The following GPR158 variants were observed in gnomAD, a reference collection of about 807,000 sequenced individuals.
GPR158 encodes the protein G protein-coupled receptor 158, also known as metabotropic glycine receptor.
A neutral mutation model predicts 78.2 loss-of-function variants in GPR158; 30 were observed. The ratio of observed to expected loss-of-function variants is 0.38; its 90% CI spans 0.29 to 0.52. The LOEUF (loss-of-function observed/expected upper bound fraction) is 0.52. Ranked by LOEUF, GPR158 falls within the 20% of genes least tolerant of loss-of-function variation. The pLI, the probability that GPR158 is intolerant of heterozygous loss-of-function variation, is 0.83. For missense variants in GPR158, 1,463 were observed against 1,523.5 expected, an observed-to-expected ratio of 0.96 and a Z score of 0.66; for synonymous variants, 581 against 591.1, an observed-to-expected ratio of 0.98 and a Z score of 0.25.
intron 2 of GPR158, among the ~76,000 whole-genome samples, chr10:25,249,135 T>C (rs1165304281): frequency 6.6e-6 from 1 of 152,118 alleles, no homozygotes; most frequent in Non-Finnish European, 1.5e-5. Flanking sequence ...TGTATAAGAA[T>C]GCTTGTGATT....
At chr10:25,559,875 A>G (rs1199831227) in intron 6 of GPR158, among the ~76,000 whole-genome samples, 1 of 152,240 alleles carries the variant, frequency 6.6e-6, no homozygotes, top group African/African-American at 2.4e-5. Flanking sequence ...TTGTCACAAT[A>G]TGTAACTCTT....
chr10:25,596,322 G>A (rs376884395), intron 9 of GPR158, among the ~76,000 whole-genome samples: 61 of 152,184 alleles, frequency 4.0e-4, no homozygotes, highest in African/African-American at 1.4e-3. Context: ...AAACATATGT[G>A]GAAGAGTAAA....
intron 1 of GPR158, among the ~76,000 whole-genome samples, chr10:25,205,807 A>G (rs1205519246): frequency 2.0e-5 from 3 of 150,248 alleles, no homozygotes; most frequent in African/African-American, 7.3e-5. Flanking sequence ...GTTTGGTATC[A>G]TTTTAGTTTT....
chr10:25,259,268 A>G (rs919143264), intron 2 of GPR158, among the ~76,000 whole-genome samples: 1 of 152,208 alleles, frequency 6.6e-6, no homozygotes, highest in Non-Finnish European at 1.5e-5. Context: ...TAGTTCCAAC[A>G]AGACTTTATT....
chr10:25,229,034 C>CAA (rs767651286), intron 2 of GPR158, among the ~76,000 whole-genome samples: 173 of 88,710 alleles, frequency 2.0e-3, no homozygotes, highest in East Asian at 7.1e-3. Context: ...GACTCAATGT[C>CAA]AAAAAAAAAA....
At chr10:25,438,945 C>T (rs989283859) in intron 4 of GPR158, among the ~76,000 whole-genome samples, 3 of 152,008 alleles carry the variant, frequency 2.0e-5, no homozygotes, top group African/African-American at 4.8e-5. Flanking sequence ...TTTCAGTGTC[C>T]ACAAATACAG....
At chr10:25,225,962 T>G (rs1021488627) in intron 2 of GPR158, among the ~76,000 whole-genome samples, 34 of 152,298 alleles carry the variant, frequency 2.2e-4, no homozygotes, top group African/African-American at 8.2e-4. Flanking sequence ...AAATGTAACT[T>G]ACTCATTTGA....
rs146399511 is a variant in GPR158 at position 25,380,533 on chromosome 10, A to G, written c.1009-15378A>G. On this transcript the variant is annotated intron_variant, in intron 2 of 10. Transcript: ENST00000376351. ...GTATTACATTTTATGTGTTTTTTCA[A>G]TAAACACACATTTTGAATGTTTTGG... 5.2e-3 allele frequency among the ~76,000 whole-genome samples: 796 copies of G among 152,194 alleles called. 3 individuals carry two copies. Among genetic ancestry groups the G allele is most frequent in the Middle Eastern group, 0.01 (3 of 294 alleles).
intron 5 of GPR158, among the ~76,000 whole-genome samples, chr10:25,538,523 C>A (rs2130700537): frequency 6.6e-6 from 1 of 152,092 alleles, no homozygotes; most frequent in South Asian, 2.1e-4. Context: ...ACTATACTGC[C>A]CAGACTGGAG....
chr10:25,509,164 G>C (rs953653068), intron 5 of GPR158, among the ~76,000 whole-genome samples: 2 of 152,136 alleles, frequency 1.3e-5, no homozygotes, highest in African/African-American at 4.8e-5. Context: ...CTCCCTCACT[G>C]TGATGATCAA....
intron 1 of GPR158, among the ~76,000 whole-genome samples, chr10:25,184,405 C>G (rs1294260809): frequency 6.6e-6 from 1 of 152,110 alleles, no homozygotes; most frequent in Non-Finnish European, 1.5e-5. Flanking sequence ...CTTGGCTTCC[C>G]AAAGTGCTGG....
chr10:25,580,629 C>A (rs954195999), intron 7 of GPR158, among the ~76,000 whole-genome samples: 1 of 152,150 alleles, frequency 6.6e-6, no homozygotes, highest in South Asian at 2.1e-4. Context: ...GACAGATTAA[C>A]GTTCTTTAGA....
chr10:25,277,498 GC>G (rs1246163967), intron 2 of GPR158, among the ~76,000 whole-genome samples: 2 of 152,002 alleles, frequency 1.3e-5, no homozygotes, highest in African/African-American at 4.8e-5. Context: ...GAGAGACAGA[GC>G]CCATCCCCAA....
At chr10:25,408,057 C>T (rs1219667710) in intron 3 of GPR158, among the ~76,000 whole-genome samples, 1 of 152,106 alleles carries the variant, frequency 6.6e-6, no homozygotes, top group Non-Finnish European at 1.5e-5. Context: ...TAAACCTTAG[C>T]TGATGTGGGT....
chr10:25,427,493 GTATTGTATCTACC>G (rs1834840942), intron 4 of GPR158, among the ~76,000 whole-genome samples: 1 of 151,968 alleles, frequency 6.6e-6, no homozygotes, highest in African/African-American at 2.4e-5. Flanking sequence ...CTTTCAGTCA[GTATTGTATCTACC>G]TATAAAATTT....
chr10:25,316,907 GTGTT>G (rs758549159), intron 2 of GPR158, among the ~76,000 whole-genome samples: 2 of 101,106 alleles, frequency 2.0e-5, no homozygotes, highest in African/African-American at 4.4e-5. Context: ...GTGTGTGTGT[GTGTT>G]TATGTGTGTG....
chr10:25,332,680 C>T, intron 2 of GPR158, among the ~76,000 whole-genome samples: 1 of 152,142 alleles, frequency 6.6e-6, no homozygotes, highest in Non-Finnish European at 1.5e-5. Flanking sequence ...TACCGTGCTG[C>T]CTCCCTTCTC....
chr10:25,478,713 T>C (rs1202253903), intron 5 of GPR158, among the ~76,000 whole-genome samples: 1 of 152,074 alleles, frequency 6.6e-6, no homozygotes, highest in African/African-American at 2.4e-5. Context: ...GTTACGTATA[T>C]ATACATGTGC....
intron 1 of GPR158, among the ~76,000 whole-genome samples, chr10:25,196,908 A>G (rs959992784): frequency 1.3e-5 from 2 of 152,172 alleles, no homozygotes; most frequent in Admixed American, 6.5e-5. Flanking sequence ...ATGCCTGCCA[A>G]CTATGGTCTT....
Sources: allele counts gnomAD v4.1 joint callset (sites outside exome capture counted in the v4.1 genomes callset), GRCh38; gene constraint gnomAD v4.1.1; transcripts MANE v1.5; gene names NCBI Gene and HGNC (gene_info 2026-07-23, HGNC 2026-07-21).